The following KCNT1 variants were observed in gnomAD, a reference collection of about 807,000 sequenced individuals.
KCNT1 encodes the protein potassium channel subfamily T member 1.
A neutral mutation model predicts 147.8 loss-of-function variants in KCNT1; 78 were observed. The ratio of observed to expected loss-of-function variants is 0.53; its 90% CI spans 0.44 to 0.64. KCNT1 has a LOEUF of 0.64. Ranked by LOEUF, KCNT1 falls within the 30% of genes least tolerant of loss-of-function variation. KCNT1 has a pLI of 0.00. For missense variants in KCNT1, 1,419 were observed against 1,750.3 expected, an observed-to-expected ratio of 0.81 and a Z score of 3.38; for synonymous variants, 867 against 748.8, an observed-to-expected ratio of 1.16 and a Z score of -2.58.
In KCNT1 at chr9:135,765,208, A is replaced by C. The variant is rs770942099; in HGVS notation, c.1200+13A>C. ...CCCCCGGCTCCAGGTGAGGCCCCTTACCGTGGCCCAGCAGACGACTCCCTC... is the reference window on the plus strand; with the variant it reads ...CCCCCGGCTCCAGGTGAGGCCCCTTCCCGTGGCCCAGCAGACGACTCCCTC... On this transcript the variant is annotated intron_variant, in intron 12 of 30. Coordinates refer to ENST00000371757, the MANE Select transcript of KCNT1 (RefSeq NM_020822.3). 12 of 1,603,178 alleles carry C rather than the reference A, an allele frequency of 7.5e-6. No individual in the cohort carries two copies. The highest frequency in any genetic ancestry group is 1.0e-5 in the Non-Finnish European group (12 of 1,172,062).
At chr9:135,717,925 G>A (rs1013951359) in intron 2 of KCNT1, among the ~76,000 whole-genome samples, 1 of 152,180 alleles carries the variant, frequency 6.6e-6, no homozygotes, top group African/African-American at 2.4e-5. Flanking sequence ...TCATGACCCC[G>A]ATGCTGGAAT....
intron 2 of KCNT1, among the ~76,000 whole-genome samples, chr9:135,744,246 G>A (rs908450044): frequency 6.6e-6 from 1 of 152,376 alleles, no homozygotes; most frequent in Middle Eastern, 3.4e-3. Flanking sequence ...TGGCCTGCCG[G>A]TCAGCAGGGA....
At chr9:135,737,636 GCC>G in intron 2 of KCNT1, among the ~76,000 whole-genome samples, 1 of 152,218 alleles carries the variant, frequency 6.6e-6, no homozygotes, top group South Asian at 2.1e-4. Context: ...ATGGGCAGGG[GCC>G]TTCCAGGTAG....
chr9:135,784,924 G>GCCCCTGTCCTGTGTGACCCACAGCAT, intron 27 of KCNT1, 35 bp downstream of exon 27: 1 of 1,603,684 alleles, frequency 6.2e-7, no homozygotes. Flanking sequence ...GACTGTGGCA[G>GCCCCTGTCCTGTGTGACCCACAGCAT]CCCCTGTCCT....
intron 11 of KCNT1, among the ~76,000 whole-genome samples, chr9:135,762,273 C>T (rs1459085510): frequency 6.6e-6 from 1 of 152,188 alleles, no homozygotes; most frequent in East Asian, 1.9e-4. Context: ...GAGAGACTCC[C>T]ATCTCTACCA....
chr9:135,787,833 TTG>T (rs552416405), intron 29 of KCNT1, among the ~76,000 whole-genome samples: 1 of 152,158 alleles, frequency 6.6e-6, no homozygotes, highest in Non-Finnish European at 1.5e-5. Flanking sequence ...GCATTCATGT[TTG>T]TGGTCCCCTG....
chr9:135,777,229 A>G lies in KCNT1; in HGVS notation c.2350-109A>G, dbSNP rs114229286. ...TGAAAGGGCTGTGGGCCGAGAGGCT[A>G]ACGGCTGGGTGTTCACGGGGGATGT... is the stretch of plus-strand genomic sequence containing the variant. On this transcript the variant is annotated intron_variant, in intron 20 of 30. Coordinates refer to ENST00000371757, the MANE Select transcript of KCNT1 (RefSeq NM_020822.3). The G allele has an allele frequency of 3.5e-3, 4,293 of 1,212,100 alleles. 137 individuals are homozygous for G. The African/African-American group carries it at 0.059, about 17-fold the overall frequency. 75.1% of individuals were successfully genotyped at this position (1,212,100 alleles called of 1,614,324 possible). A position where few individuals can be genotyped will look rare whatever the true frequency, so the allele number is the denominator to read the frequency against.
At chr9:135,777,297 A>ACAGCCCTGACTCCAGCCCTGACTC (rs374463149) in intron 20 of KCNT1, 41 bp from the exon 21 acceptor site, 3 of 1,591,196 alleles carry the variant, frequency 1.9e-6, no homozygotes, top group South Asian at 1.1e-5. Flanking sequence ...AGCAGGAACC[A>ACAGCCCTGACTCCAGCCCTGACTC]CAGCCCTGAC....
intron 2 of KCNT1, among the ~76,000 whole-genome samples, chr9:135,732,633 A>C (rs1830145596): frequency 6.6e-6 from 1 of 151,956 alleles, no homozygotes; most frequent in African/African-American, 2.4e-5. Context: ...TGTGGCTTCC[A>C]TTGCACCTTG....
chr9:135,722,083 A>G (rs1233574781), intron 2 of KCNT1, among the ~76,000 whole-genome samples: 1 of 152,144 alleles, frequency 6.6e-6, no homozygotes, highest in Non-Finnish European at 1.5e-5. Context: ...TCACATGTGA[A>G]CGGTGTCTTG....
intron 11 of KCNT1, among the ~76,000 whole-genome samples, chr9:135,764,022 G>A (rs925745833): frequency 1.3e-5 from 2 of 152,220 alleles, no homozygotes; most frequent in African/African-American, 4.8e-5. Flanking sequence ...ACTGTTTTGT[G>A]TGGCAAGGCA....
Position 135,702,234 on chromosome 9 carries a change from G to C in KCNT1, c.-25G>C. 6.4e-7 allele frequency: 1 copy of C among 1,566,790 alleles called. No individual in the cohort carries two copies. On this transcript the variant is annotated 5_prime_UTR_variant, in exon 1 of 31. Coordinates refer to ENST00000371757, the MANE Select transcript of KCNT1 (RefSeq NM_020822.3). The stretch of plus-strand genomic sequence containing the variant: ...GCGGCTCCCACTCGCTTCTCCCTCG[G>C]GTCGGGTCCGAGCTGCCAGGCCGCA...
At chr9:135,753,766 G>A (rs1384488183) in intron 4 of KCNT1, 171 bp from the exon 5 acceptor site, 3 of 652,730 alleles carry the variant, frequency 4.6e-6, no homozygotes, top group Non-Finnish European at 8.3e-6. Flanking sequence ...TAGGTGGGGA[G>A]GGGGCAGGCT....
chr9:135,784,041 C>A lies in KCNT1; in HGVS notation c.2859C>A (p.Gly953=). ...TCCCACAGAGGGAGCGAGAGAATGG[C>A]TCCAACCTGGCCTTCATGTTCCGCC... The part of the protein sequence containing the change: ...SKLEKREREN[G]SNLAFMFRLP... The change falls in exon 25 of 31, where the codon GGC becomes GGA. Residue 953 remains glycine (G), a synonymous_variant. Coordinates refer to ENST00000371757, the MANE Select transcript of KCNT1 (RefSeq NM_020822.3). The A allele has an allele frequency of 6.2e-7, 1 of 1,606,584 alleles. No individual in the cohort carries two copies. The highest frequency in any genetic ancestry group is 8.5e-7 in the Non-Finnish European group (1 of 1,179,940).
Position 135,768,672 on chromosome 9 carries a change from CAGTG to C in KCNT1, c.1401+6_1401+9del, listed in dbSNP as rs1201903120. Reference sequence around the variant, plus strand: ...AGGAACGAGGTGGACCGCACGGCTGCAGTGAGTGAGGCTGAGGCCCTGCCCAGGC... The same window carrying C: ...AGGAACGAGGTGGACCGCACGGCTGCAGTGAGGCTGAGGCCCTGCCCAGGC... On this transcript the variant is annotated splice_donor_variant and splice_donor_region_variant and coding_sequence_variant and intron_variant, in exon 14 of 31. Coordinates refer to ENST00000371757, the MANE Select transcript of KCNT1 (RefSeq NM_020822.3). LOFTEE classifies it high-confidence loss of function. 1.3e-6 allele frequency: 2 copies of C among 1,550,128 alleles called. No individual in the cohort carries two copies. Among genetic ancestry groups the C allele is most frequent in the East Asian group, 4.9e-5 (2 of 40,894 alleles).
At chr9:135,753,911 C>G (rs376194856) in intron 4 of KCNT1, 26 bp from the exon 5 acceptor site, 5 of 1,613,654 alleles carry the variant, frequency 3.1e-6, no homozygotes, top group Non-Finnish European at 3.4e-6. Context: ...GGGCCAGGGC[C>G]GGGCCAGCGC....
rs140628824 is a variant in KCNT1 at position 135,792,059 on chromosome 9, C to A, written c.3606C>A (p.Asp1202Glu). Residue 1202 changes from aspartate to glutamate, a missense_variant, in exon 31 of 31, where the codon GAC becomes GAA. By Grantham distance (45) the Asp-to-Glu change is conservative. Transcript: ENST00000371757. Reference sequence around the variant, plus strand: ...CCCGCAGCTATCTCATCCGCTCCGACCCCCTGGCTCACGTGGCCAGCAGCT... The same window carrying A: ...CCCGCAGCTATCTCATCCGCTCCGAACCCCTGGCTCACGTGGCCAGCAGCT... Reference protein sequence around the residue: ...PSDIVYLIRSDPLAHVASSSQ... With the variant: ...PSDIVYLIRSEPLAHVASSSQ... 4 of 1,604,306 alleles carry A rather than the reference C, an allele frequency of 2.5e-6. No homozygotes were observed. The highest frequency in any genetic ancestry group is 1.1e-5 in the South Asian group (1 of 91,034).
rs374140862 is a variant in KCNT1, at chr9:135,775,426, C to T, written c.2349+11C>T. 67 of 1,599,552 alleles carry T rather than the reference C, an allele frequency of 4.2e-5. No individual in the cohort carries two copies. Among genetic ancestry groups the T allele is most frequent in the African/African-American group, 1.1e-4 (8 of 74,676 alleles). ...CTGCGGCTGGACAAGGTAAGGCTGG[C>T]GGCTCTGCCGCGCTCTGCACCCCCA... On this transcript the variant is annotated intron_variant, in intron 20 of 30. Transcript: ENST00000371757.
chr9:135,702,809 C>T (rs1180491295), intron 1 of KCNT1, among the ~76,000 whole-genome samples: 2 of 152,100 alleles, frequency 1.3e-5, no homozygotes, highest in South Asian at 2.1e-4. Context: ...CGAGGTTACC[C>T]CACACAGTAG....
Sources: gnomAD v4.1 joint callset for allele counts (sites outside exome capture counted in the v4.1 genomes callset) on GRCh38, gnomAD v4.1.1 for gene constraint, MANE v1.5 for transcripts, NCBI Gene and HGNC (gene_info 2026-07-23, HGNC 2026-07-21) for gene names.